Variants in TBCB observed in about 807,000 individuals in gnomAD.
TBCB encodes tubulin-folding cofactor B.
Under a neutral mutation model 29.2 loss-of-function variants are expected in TBCB, and 18 were observed. That is an observed-to-expected ratio of 0.62 (90% confidence interval 0.43 to 0.91). TBCB has a LOEUF of 0.91. Ranked by LOEUF, TBCB falls within the 40% of genes least tolerant of loss-of-function variation. TBCB has a pLI of 0.00. For synonymous variants in TBCB, 172 were observed against 137.8 expected, an observed-to-expected ratio of 1.25 and a Z score of -1.74; for missense variants, 336 against 337.6, an observed-to-expected ratio of 1.00 and a Z score of 0.04.
At chr19:36,118,865 C>G (rs1973999353) in intron 2 of TBCB, among the ~76,000 whole-genome samples, 1 of 152,066 alleles carries the variant, frequency 6.6e-6, no homozygotes, top group South Asian at 2.1e-4. Flanking sequence ...CACAGGCCCC[C>G]TCTGGCTGTG....
chr19:36,115,231 G>A (rs1049409020), upstream of TBCB: 26 of 535,386 alleles, frequency 4.9e-5, no homozygotes, highest in African/African-American at 4.5e-4. Context: ...TACCCTTCGC[G>A]GACTGGGCGA....
Position 36,125,851 on chromosome 19 carries a change from G to A in TBCB, c.*69G>A. 8.6e-7 allele frequency: 1 copy of A among 1,162,920 alleles called. No homozygotes were observed. The highest frequency in any genetic ancestry group is 1.6e-5 in the African/African-American group (1 of 64,232). 72.0% of individuals were successfully genotyped at this position (1,162,920 alleles called of 1,614,324 possible). ...ACTGCCCCTCCTGTGTGTGCCCATG[G>A]CCCTTTTCTCCTGACCCCATTTTAA... is the stretch of plus-strand genomic sequence containing the variant. On this transcript the variant is annotated 3_prime_UTR_variant, in exon 6 of 6. Transcript: ENST00000221855.
intron 4 of TBCB, among the ~76,000 whole-genome samples, chr19:36,124,838 C>T (rs759620803): frequency 1.3e-5 from 2 of 152,172 alleles, no homozygotes; most frequent in South Asian, 2.1e-4. Flanking sequence ...CCACCGCACC[C>T]GGCCAGTATG....
chr19:36,120,373 A>C, intron 2 of TBCB: 1 of 264,050 alleles, frequency 3.8e-6, no homozygotes. Context: ...AGGCCCATCG[A>C]GGAGATGCGC....
intron 2 of TBCB, among the ~76,000 whole-genome samples, chr19:36,119,643 G>C (rs150004516): frequency 4.5e-4 from 69 of 152,262 alleles, no homozygotes; most frequent in African/African-American, 1.5e-3. Flanking sequence ...ATCCCACCCA[G>C]TACATTGGGA....
chr19:36,115,123 G>A, upstream of TBCB: 1 of 574,148 alleles, frequency 1.7e-6, no homozygotes, highest in Non-Finnish European at 3.1e-6. Flanking sequence ...TGCCAGAGCC[G>A]GGAAAACGAT....
rs1285269447 is a variant in TBCB, at chr19:36,125,742, G to A, written c.695G>A (p.Gly232Glu). 27 of 1,568,566 alleles carry A rather than the reference G, an allele frequency of 1.7e-5. No homozygotes were observed. Among genetic ancestry groups the A allele is most frequent in the Non-Finnish European group, 2.3e-5 (27 of 1,157,458 alleles). ...AFVKPAVVTV[G>E]DFPEEDYGLD... is the part of the protein sequence containing the mutation. Reference sequence around the variant, plus strand: ...GTCAAGCCAGCAGTCGTGACGGTGGGGGACTTCCCGGAGGAGGACTACGGG... The same window carrying A: ...GTCAAGCCAGCAGTCGTGACGGTGGAGGACTTCCCGGAGGAGGACTACGGG... The change falls in exon 6 of 6, where the codon GGG becomes GAG. Residue 232 changes from glycine to glutamate, a missense_variant. Gly to Glu is a moderately conservative substitution (Grantham distance 98, BLOSUM62 -2). Transcript: ENST00000221855.
At chr19:36,123,153 A>C (rs1350560245) in intron 4 of TBCB, among the ~76,000 whole-genome samples, 1 of 152,030 alleles carries the variant, frequency 6.6e-6, no homozygotes, top group Non-Finnish European at 1.5e-5. Context: ...ATAGTCCTGC[A>C]TTGAGCGCCT....
chr19:36,123,413 A>ACCACCCCC (rs1165077959), intron 4 of TBCB, among the ~76,000 whole-genome samples: 1 of 151,898 alleles, frequency 6.6e-6, no homozygotes, highest in Non-Finnish European at 1.5e-5. Context: ...GGTACTCATC[A>ACCACCCCC]CCACCCCCGG....
At chr19:36,120,437 T>G in intron 2 of TBCB, 1 of 461,464 alleles carries the variant, frequency 2.2e-6, no homozygotes, top group Non-Finnish European at 4.0e-6. Flanking sequence ...CTCTGTGACT[T>G]TGGGGCCCTT....
chr19:36,116,644 A>G (rs1198895519), intron 2 of TBCB: 1 of 153,636 alleles, frequency 6.5e-6, no homozygotes, highest in Non-Finnish European at 1.5e-5. Context: ...TCTTTTTTTG[A>G]GACAGAGTCT....
chr19:36,125,700 C>T lies in TBCB; in HGVS notation c.653C>T (p.Ala218Val). The change falls in exon 6 of 6, where the codon GCC becomes GTC. Residue 218 changes from alanine to valine, a missense_variant. Transcript: ENST00000221855. ...VNGKRYFECQ[A>V]KYGAFVKPAV... ...GGGAAACGCTACTTCGAATGCCAGG[C>T]CAAGTATGGCGCCTTTGTCAAGCCA... The T allele has an allele frequency of 6.3e-7, 1 of 1,581,490 alleles. No individual in the cohort carries two copies. Among genetic ancestry groups the T allele is most frequent in the Non-Finnish European group, 8.6e-7 (1 of 1,163,088 alleles).
intron 2 of TBCB, chr19:36,120,431 G>C (rs1599864408): frequency 4.3e-6 from 2 of 462,568 alleles, no homozygotes; most frequent in East Asian, 4.1e-5. Flanking sequence ...GTTGGACTCT[G>C]TGACTTTGGG....
At position 36,125,712 on chromosome 19, in the gene TBCB, C is replaced by A; in HGVS notation, c.665C>A (p.Ala222Asp). 1.3e-6 allele frequency: 2 copies of A among 1,582,722 alleles called. No homozygotes were observed. The highest frequency in any genetic ancestry group is 2.3e-5 in the South Asian group (2 of 85,730). ...TTCGAATGCCAGGCCAAGTATGGCG[C>A]CTTTGTCAAGCCAGCAGTCGTGACG... ...RYFECQAKYG[A>D]FVKPAVVTVG... The change falls in exon 6 of 6, where the codon GCC (alanine) becomes GAC (aspartate). Residue 222 changes from alanine (A) to aspartate (D), a missense_variant. Coordinates refer to ENST00000221855, the MANE Select transcript of TBCB (RefSeq NM_001281.3).
upstream of TBCB, chr19:36,115,398 G>A (rs961169170): frequency 4.9e-6 from 3 of 609,820 alleles, no homozygotes; most frequent in African/African-American, 5.7e-5. Flanking sequence ...GGTGGGGAAG[G>A]GACGGCGGCG....
chr19:36,116,504 G>C, intron 2 of TBCB: 1 of 279,656 alleles, frequency 3.6e-6, no homozygotes, highest in Non-Finnish European at 6.9e-6. Context: ...AGAAAGAGGT[G>C]GAAAGGAGGG....
Position 36,125,849 on chromosome 19 carries a change from T to A in TBCB, c.*67T>A. 8.3e-7 allele frequency: 1 copy of A among 1,211,624 alleles called. No homozygotes were observed. Among genetic ancestry groups the A allele is most frequent in the Non-Finnish European group, 1.1e-6 (1 of 894,424 alleles). The allele number at this position is 1,211,624 out of a possible 1,614,324, so 75.1% of individuals were successfully genotyped here. On this transcript the variant is annotated 3_prime_UTR_variant, in exon 6 of 6. Coordinates refer to ENST00000221855, the MANE Select transcript of TBCB (RefSeq NM_001281.3). ...TGACTGCCCCTCCTGTGTGTGCCCA[T>A]GGCCCTTTTCTCCTGACCCCATTTT...
intron 2 of TBCB, among the ~76,000 whole-genome samples, chr19:36,119,348 G>A (rs931799590): frequency 6.6e-6 from 1 of 152,176 alleles, no homozygotes; most frequent in Non-Finnish European, 1.5e-5. Flanking sequence ...ACCTCAGGGT[G>A]TTCCTTGGGC....
intron 2 of TBCB, among the ~76,000 whole-genome samples, chr19:36,120,300 G>C (rs1007966114): frequency 1.3e-5 from 2 of 152,170 alleles, no homozygotes; most frequent in Non-Finnish European, 2.9e-5. Flanking sequence ...AATGAATAGT[G>C]GGGGCAGAAC....
Sources: gnomAD v4.1 joint callset for allele counts (sites outside exome capture counted in the v4.1 genomes callset) on GRCh38, gnomAD v4.1.1 for gene constraint, MANE v1.5 for transcripts, NCBI Gene and HGNC (gene_info 2026-07-23, HGNC 2026-07-21) for gene names.